Variants in NXPH1 observed in about 807,000 individuals in gnomAD.
NXPH1 encodes neurexophilin-1.
NXPH1 carries 5 observed loss-of-function variants against 23.7 expected under a neutral mutation model. That is an observed-to-expected ratio of 0.21 (90% CI 0.11 to 0.44). The LOEUF (loss-of-function observed/expected upper bound fraction) is 0.44, where lower values mean the gene tolerates loss of function less well. Ranked by LOEUF, NXPH1 falls within the 20% of genes least tolerant of loss-of-function variation. The probability of loss-of-function intolerance (pLI) is 0.99; values close to 1 mark genes in which losing one functional copy is unlikely to be tolerated. For missense variants in NXPH1, 324 were observed against 321.6 expected (o/e 1.01, Z -0.06); for synonymous variants, 144 against 122.2 (o/e 1.18, Z -1.18).
chr7:8,462,679 C>G lies in NXPH1; in HGVS notation c.54+26912C>G, dbSNP rs77639490. On this transcript the variant is annotated intron_variant, in intron 2 of 2. Transcript: ENST00000405863. Reference sequence around the variant, plus strand: ...GGTTTGTATCAGAGAAAATGCTGATCCCACAATGTATAGATATCTCAAAAC... The same window carrying G: ...GGTTTGTATCAGAGAAAATGCTGATGCCACAATGTATAGATATCTCAAAAC... Among the ~76,000 whole-genome samples, 470 of 152,280 alleles carry G rather than the reference C, an allele frequency of 3.1e-3. 3 individuals are homozygous for G. The highest frequency in any genetic ancestry group is 0.011 in the African/African-American group (443 of 41,550).
chr7:8,671,155 C>T (rs760454213), intron 2 of NXPH1, among the ~76,000 whole-genome samples: 46 of 152,176 alleles, frequency 3.0e-4, no homozygotes, highest in Middle Eastern at 3.2e-3. Context: ...AAATAAATTA[C>T]ATATGCTATT....
rs1433300222 is a variant in NXPH1, at chr7:8,751,086, A to C, written c.133A>C (p.Ile45Leu). Residue 45 changes from isoleucine (I) to leucine (L), a missense_variant, in exon 3 of 3, where the codon ATA becomes CTA. Ile to Leu is a conservative substitution (Grantham distance 5). Transcript: ENST00000405863. This position sits in a 1 kb window ranked among gnomAD's most constrained non-coding sequence, Gnocchi z 4.5. ...AAGCAGCAAATCCACACTAAAGCAC[A>C]TATGGACAGAAAGCAGCAAAGACTT... ...SGSSKSTLKH[I>L]WTESSKDLSI... 1.2e-6 allele frequency: 2 copies of C among 1,613,910 alleles called. No individual in the cohort carries two copies. The highest frequency in any genetic ancestry group is 2.2e-5 in the East Asian group (1 of 44,886).
intron 2 of NXPH1, among the ~76,000 whole-genome samples, chr7:8,608,244 G>T (rs552451555): frequency 6.6e-6 from 1 of 152,194 alleles, no homozygotes; most frequent in East Asian, 1.9e-4. Context: ...TAGTTAGGAG[G>T]AAGTGATCAG....
At chr7:8,680,888 A>C (rs914797886) in intron 2 of NXPH1, among the ~76,000 whole-genome samples, 2 of 152,248 alleles carry the variant, frequency 1.3e-5, no homozygotes, top group African/African-American at 4.8e-5. Flanking sequence ...ACAGAATATT[A>C]GTGCTGGAAA....
intron 2 of NXPH1, among the ~76,000 whole-genome samples, chr7:8,571,241 G>A (rs576153730): frequency 1.3e-5 from 2 of 151,898 alleles, no homozygotes; most frequent in South Asian, 4.2e-4. Context: ...CAGGAATAGT[G>A]GGATGTAAAG....
chr7:8,706,919 G>T (rs892644550), intron 2 of NXPH1, among the ~76,000 whole-genome samples: 1 of 152,090 alleles, frequency 6.6e-6, no homozygotes, highest in African/African-American at 2.4e-5. Flanking sequence ...TGAGAAGGGG[G>T]TGAGTGATGA....
intron 2 of NXPH1, among the ~76,000 whole-genome samples, chr7:8,720,602 C>G (rs947991000): frequency 1.3e-5 from 2 of 152,136 alleles, no homozygotes; most frequent in African/African-American, 4.8e-5. Context: ...TGAAATGAAA[C>G]AGACCACAAA....
intron 2 of NXPH1, among the ~76,000 whole-genome samples, chr7:8,598,895 T>C (rs1431852444): frequency 1.3e-5 from 2 of 152,182 alleles, no homozygotes; most frequent in African/African-American, 4.8e-5. Flanking sequence ...GGCTCTGGGA[T>C]TTGGTTATGT....
At chr7:8,732,334 A>G (rs978311946) in intron 2 of NXPH1, among the ~76,000 whole-genome samples, 1 of 152,202 alleles carries the variant, frequency 6.6e-6, no homozygotes, top group African/African-American at 2.4e-5. Context: ...TGTAGACTGG[A>G]GCTGTTCCCA....
intron 2 of NXPH1, among the ~76,000 whole-genome samples, chr7:8,452,257 A>G (rs1368935576): frequency 1.3e-5 from 2 of 152,322 alleles, no homozygotes; most frequent in East Asian, 1.9e-4. Context: ...CTAACAATCC[A>G]ATAACCGAAT....
At chr7:8,690,047 C>T (rs910775867) in intron 2 of NXPH1, among the ~76,000 whole-genome samples, 6 of 152,042 alleles carry the variant, frequency 3.9e-5, no homozygotes, top group Admixed American at 2.0e-4. Context: ...CAGATTCTTT[C>T]TTTTCTTATA....
chr7:8,445,564 T>G (rs1208543991), intron 2 of NXPH1, among the ~76,000 whole-genome samples: 1 of 149,178 alleles, frequency 6.7e-6, no homozygotes, highest in Non-Finnish European at 1.5e-5. Flanking sequence ...AACCGCAGAC[T>G]AAAAGAAAGA....
intron 2 of NXPH1, among the ~76,000 whole-genome samples, chr7:8,669,887 G>C (rs1258277383): frequency 6.6e-6 from 1 of 152,110 alleles, no homozygotes; most frequent in Non-Finnish European, 1.5e-5. Context: ...CTTAGCTCTT[G>C]TAAAAATATT....
At chr7:8,645,064 G>A (rs1255763072) in intron 2 of NXPH1, among the ~76,000 whole-genome samples, 1 of 152,088 alleles carries the variant, frequency 6.6e-6, no homozygotes, top group Non-Finnish European at 1.5e-5. Context: ...TAAAAATAGT[G>A]CTCGTTCTCT....
Position 8,483,965 on chromosome 7 carries a change from CTTTTTT to C in NXPH1, c.54+48210_54+48215del, listed in dbSNP as rs60436502. On this transcript the variant is annotated intron_variant, in intron 2 of 2. Coordinates refer to ENST00000405863, the MANE Select transcript of NXPH1 (RefSeq NM_152745.3). The stretch of plus-strand genomic sequence containing the variant: ...CTAGAATAAATAACACTCCCCCCAC[CTTTTTT>C]TTTTTTTTTTTAAGAAGTAGACCAT... Among the ~76,000 whole-genome samples the C allele has an allele frequency of 7.2e-4, 95 of 132,336 alleles. 1 individual carries two copies. The highest frequency in any genetic ancestry group is 2.8e-3 in the African/African-American group (91 of 32,006). The allele number at this position is 132,336 out of a possible 152,430, so 86.8% of individuals were successfully genotyped here. A position where few individuals can be genotyped will look rare whatever the true frequency, so the allele number is the denominator to read the frequency against.
chr7:8,705,510 G>T (rs553228220), intron 2 of NXPH1, among the ~76,000 whole-genome samples: 1 of 152,194 alleles, frequency 6.6e-6, no homozygotes, highest in South Asian at 2.1e-4. Context: ...CAGGGGTGGT[G>T]GTTTCCATTA....
intron 2 of NXPH1, among the ~76,000 whole-genome samples, chr7:8,725,127 T>C (rs1023823044): frequency 1.3e-5 from 2 of 152,204 alleles, no homozygotes; most frequent in Non-Finnish European, 2.9e-5. Context: ...AGGGAATAGT[T>C]TTCTTATAGA....
intron 2 of NXPH1, among the ~76,000 whole-genome samples, chr7:8,575,353 T>G (rs528972832): frequency 8.5e-5 from 13 of 152,314 alleles, no homozygotes; most frequent in Admixed American, 2.6e-4. Context: ...TCATTAATCC[T>G]TAATGTGAAT....
At chr7:8,583,551 C>T (rs927569334) in intron 2 of NXPH1, among the ~76,000 whole-genome samples, 6 of 152,152 alleles carry the variant, frequency 3.9e-5, no homozygotes, top group African/African-American at 1.4e-4. Context: ...CCCCATCTTA[C>T]AGTGGGAGAG....
Sources: gnomAD v4.1 joint callset for allele counts (sites outside exome capture counted in the v4.1 genomes callset) on GRCh38, gnomAD v4.1.1 for gene constraint, Gnocchi (gnomAD v3.1) non-coding constraint, MANE v1.5 for transcripts, NCBI Gene and HGNC (gene_info 2026-07-23, HGNC 2026-07-21) for gene names.